Variants in LHFPL5 observed in about 807,000 individuals in gnomAD.
LHFPL5 encodes LHFPL tetraspan subfamily member 5.
In LHFPL5, 12 loss-of-function variants were observed where a neutral mutation model predicts 18.7. The observed-to-expected ratio is 0.64, with a 90% CI of 0.41 to 1.04. The LOEUF (loss-of-function observed/expected upper bound fraction) is 1.04. Among genes scored for constraint, LHFPL5 ranks in the 50% least tolerant of loss-of-function variants. The probability of loss-of-function intolerance (pLI) is 0.00; values close to 1 mark genes in which losing one functional copy is unlikely to be tolerated. For synonymous variants in LHFPL5, 111 were observed against 120.2 expected (o/e 0.92, Z 0.50); for missense variants, 259 against 292.1 (o/e 0.89, Z 0.83).
rs200708531 is a variant in LHFPL5, at chr6:35,805,624, G to T, written c.-47G>T. On this transcript the variant is annotated 5_prime_UTR_variant, in exon 1 of 4. Transcript: ENST00000360215. The surrounding 1 kb of genome is among the most constrained non-coding windows in gnomAD (Gnocchi z 4.3). Reference sequence around the variant, plus strand: ...TCTAGGCCTCCATCCACAAAGCTACGGACTTGCAGCCCACGGGACCCCAGC... The same window carrying T: ...TCTAGGCCTCCATCCACAAAGCTACTGACTTGCAGCCCACGGGACCCCAGC... The T allele has an allele frequency of 1.4e-5, 23 of 1,607,824 alleles. No individual in the cohort carries two copies. In the Admixed American group the frequency reaches 2.7e-4, roughly 19 times the overall value.
At chr6:35,820,823 C>T (rs7740886) in intron 3 of LHFPL5, among the ~76,000 whole-genome samples, 47,966 of 152,096 alleles carry the variant, frequency 0.32, 7,818 homozygotes, top group South Asian at 0.42. Flanking sequence ...GCCGACCAGG[C>T]GCTTTCTGTG....
At chr6:35,819,556 G>C in intron 3 of LHFPL5, 93 bp downstream of exon 3, 1 of 1,190,360 alleles carries the variant, frequency 8.4e-7, no homozygotes, top group Non-Finnish European at 1.2e-6. Context: ...AGGACACCAG[G>C]GGCTGGGCTG....
In LHFPL5 at chr6:35,806,204, C is replaced by G. The variant is rs763012987; in HGVS notation, c.412+122C>G. On this transcript the variant is annotated intron_variant, in intron 1 of 3. Transcript: ENST00000360215. ...TTTAGCTGTTCTCCTATAGCCCAGTCCTACTCAGTGCTCTGCAGAAGATTC... is the reference window on the plus strand; with the variant it reads ...TTTAGCTGTTCTCCTATAGCCCAGTGCTACTCAGTGCTCTGCAGAAGATTC... 501 of 1,022,744 alleles carry G rather than the reference C, an allele frequency of 4.9e-4. 1 individual carries two copies. The highest frequency in any genetic ancestry group is 1.9e-4 in the Admixed American group (9 of 46,542). 63.4% of individuals were successfully genotyped at this position (1,022,744 alleles called of 1,614,324 possible).
chr6:35,806,260 G>A (rs1768567984), intron 1 of LHFPL5, among the ~76,000 whole-genome samples, 178 bp downstream of exon 1: 1 of 152,166 alleles, frequency 6.6e-6, no homozygotes, highest in African/African-American at 2.4e-5. Flanking sequence ...AATGGCAGAG[G>A]CAGAAAAGAC....
chr6:35,810,446 G>T (rs1768645263), intron 1 of LHFPL5, among the ~76,000 whole-genome samples: 1 of 152,182 alleles, frequency 6.6e-6, no homozygotes, highest in Non-Finnish European at 1.5e-5. Context: ...GCTGGGCATG[G>T]TGGCTCAAGC....
intron 3 of LHFPL5, among the ~76,000 whole-genome samples, chr6:35,820,622 C>T (rs947947484): frequency 6.6e-6 from 1 of 151,964 alleles, no homozygotes; most frequent in Non-Finnish European, 1.5e-5. Context: ...ATGGTGTGAA[C>T]CCAGGAGGCG....
chr6:35,806,820 T>C (rs1768577325), intron 1 of LHFPL5, among the ~76,000 whole-genome samples: 1 of 152,068 alleles, frequency 6.6e-6, no homozygotes, highest in South Asian at 2.1e-4. Context: ...CTTTTGTTGT[T>C]GTTGTTGTTT....
At chr6:35,809,522 G>T (rs909327642) in intron 1 of LHFPL5, among the ~76,000 whole-genome samples, 7 of 152,192 alleles carry the variant, frequency 4.6e-5, no homozygotes, top group African/African-American at 1.4e-4. Context: ...TTGAGTCAAG[G>T]TCTCAAAAAT....
intron 2 of LHFPL5, among the ~76,000 whole-genome samples, chr6:35,816,055 C>T (rs905968332): frequency 2.6e-5 from 4 of 151,852 alleles, no homozygotes; most frequent in Non-Finnish European, 2.9e-5. Context: ...CCTGTAGTCC[C>T]AGCTACTGGG....
intron 3 of LHFPL5, among the ~76,000 whole-genome samples, chr6:35,820,700 A>AAAAT (rs10682489): frequency 0.37 from 54,743 of 148,130 alleles, 10,422 homozygotes; most frequent in South Asian, 0.55. Context: ...ACTCCATCTC[A>AAAAT]AAATAAATAA....
At chr6:35,810,569 TAGAC>T (rs1768648186) in intron 1 of LHFPL5, among the ~76,000 whole-genome samples, 1 of 151,256 alleles carries the variant, frequency 6.6e-6, no homozygotes, top group African/African-American at 2.4e-5. Context: ...ACAAAAAAAT[TAGAC>T]AGGTGACATA....
intron 1 of LHFPL5, among the ~76,000 whole-genome samples, chr6:35,808,099 G>A (rs1768600721): frequency 6.6e-6 from 1 of 151,940 alleles, no homozygotes; most frequent in Admixed American, 6.6e-5. Context: ...TGTATGATAA[G>A]AGAGAGGCCG....
rs1247176261 is a variant in LHFPL5, at chr6:35,806,020, T to G, written c.350T>G (p.Leu117Arg). The change falls in exon 1 of 4, where the codon CTG (leucine) becomes CGG (arginine). Residue 117 changes from leucine (L) to arginine (R), a missense_variant. Coordinates refer to ENST00000360215, the MANE Select transcript of LHFPL5 (RefSeq NM_182548.4). Reference sequence around the variant, plus strand: ...ATTGGCTCCATCATCTGCTTCAGCCTGTTCTTCATCTGCAACACGGCCACA... The same window carrying G: ...ATTGGCTCCATCATCTGCTTCAGCCGGTTCTTCATCTGCAACACGGCCACA... ...LIIGSIICFS[L>R]FFICNTATVY... is the part of the protein sequence containing the mutation. The G allele has an allele frequency of 1.3e-5, 21 of 1,614,108 alleles. No homozygotes were observed. Among genetic ancestry groups the G allele is most frequent in the Non-Finnish European group, 1.6e-5 (19 of 1,180,056 alleles).
In LHFPL5 at chr6:35,823,388, TAC is replaced by T. The variant is rs67626900; in HGVS notation, c.*459_*460del. ...GATAGCATACACACACACATATATA[TAC>T]ACACACACACACACACACACACACA... is the stretch of plus-strand genomic sequence containing the variant. On this transcript the variant is annotated 3_prime_UTR_variant, in exon 4 of 4. Coordinates refer to ENST00000360215, the MANE Select transcript of LHFPL5 (RefSeq NM_182548.4). The T allele has an allele frequency of 0.29, 29,825 of 103,362 alleles. 3,368 individuals are homozygous for T. The highest frequency in any genetic ancestry group is 0.45 in the East Asian group (1,891 of 4,216). The allele number at this position is 103,362 out of a possible 1,614,324, so 6.4% of individuals were successfully genotyped here. A position where few individuals can be genotyped will look rare whatever the true frequency, so the allele number is the denominator to read the frequency against.
In LHFPL5 at chr6:35,814,758, G is replaced by A. The variant is rs1035897119; in HGVS notation, c.625G>A (p.Asp209Asn). The A allele has an allele frequency of 2.5e-6, 4 of 1,614,046 alleles. No individual in the cohort carries two copies. The highest frequency in any genetic ancestry group is 3.4e-6 in the Non-Finnish European group (4 of 1,180,004). Residue 209 changes from aspartate to asparagine, a missense_variant, in exon 2 of 4, where the codon GAC becomes AAC. Physicochemically the swap from Asp to Asn is conservative, Grantham distance 23. Coordinates refer to ENST00000360215, the MANE Select transcript of LHFPL5 (RefSeq NM_182548.4). This position sits in a 1 kb window ranked among gnomAD's most constrained non-coding sequence, Gnocchi z 4.2. The part of the protein sequence containing the change: ...LGYRQDKLLP[D>N]DYKADGTEEV ...CTACCGGCAGGACAAGCTCCTCCCT[G>A]ACGACTACAAGGCAGATGGAACCGG...
chr6:35,809,388 C>G (rs1277921423), intron 1 of LHFPL5, among the ~76,000 whole-genome samples: 2 of 152,168 alleles, frequency 1.3e-5, no homozygotes, highest in Non-Finnish European at 1.5e-5. Flanking sequence ...CACGAGATCT[C>G]TGATGAAGGC....
At chr6:35,806,202 G>A in intron 1 of LHFPL5, 120 bp downstream of exon 1, 1 of 1,020,752 alleles carries the variant, frequency 9.8e-7, no homozygotes, top group South Asian at 1.4e-5. Flanking sequence ...CTATAGCCCA[G>A]TCCTACTCAG....
rs147035510 is a variant in LHFPL5 at position 35,807,991 on chromosome 6, A to C, written c.412+1909A>C. 3.7e-4 allele frequency among the ~76,000 whole-genome samples: 57 copies of C among 152,306 alleles called. 1 individual carries two copies. The East Asian group carries it at 8.7e-3, about 23-fold the overall frequency. On this transcript the variant is annotated intron_variant, in intron 1 of 3. Transcript: ENST00000360215. ...TCTTTGAGCATACAAGTAGGAAGGC[A>C]TGCACCTTTGATTCCAAATCTTGCA... is the stretch of plus-strand genomic sequence containing the variant.
At chr6:35,815,671 C>T (rs1264086620) in intron 2 of LHFPL5, among the ~76,000 whole-genome samples, 1 of 152,162 alleles carries the variant, frequency 6.6e-6, no homozygotes, top group African/African-American at 2.4e-5. Context: ...CCTCTGTGCA[C>T]TATAACCAAG....
Sources: gnomAD v4.1 joint callset for allele counts (sites outside exome capture counted in the v4.1 genomes callset) on GRCh38, gnomAD v4.1.1 for gene constraint, Gnocchi (gnomAD v3.1) non-coding constraint, MANE v1.5 for transcripts, NCBI Gene and HGNC (gene_info 2026-07-23, HGNC 2026-07-21) for gene names.